ADGRB1: variants seen among roughly 807,000 people sequenced by gnomAD.
ADGRB1 encodes adhesion G protein-coupled receptor B1.
Under a neutral mutation model 175.7 loss-of-function variants are expected in ADGRB1, and 36 were observed. The observed-to-expected ratio is 0.20, with a 90% CI of 0.16 to 0.27. The LOEUF is 0.27. Ranked by LOEUF, ADGRB1 falls within the 10% of genes least tolerant of loss-of-function variation. ADGRB1 has a pLI of 1.00. For synonymous variants in ADGRB1, 1,054 were observed against 979.4 expected, an observed-to-expected ratio of 1.08 and a Z score of -1.42; for missense variants, 1,731 against 2,255.3, an observed-to-expected ratio of 0.77 and a Z score of 4.71.
At chr8:142,533,264 G>A (rs955181644) in intron 24 of ADGRB1, 31 bp from the exon 25 acceptor site, 5 of 1,473,366 alleles carry the variant, frequency 3.4e-6, no homozygotes, top group South Asian at 1.3e-5. Context: ...GCAGGGGCGG[G>A]GGCGGCAGCG....
Position 142,489,121 on chromosome 8 carries a change from C to T in ADGRB1, c.2528+11C>T. ...CCTGGCCCTGCAGAGGTGGGGAGCC[C>T]TGGGCAGGTGGGGTGGGCAGTGCAG... On this transcript the variant is annotated intron_variant, in intron 15 of 30. Transcript: ENST00000517894. 2 of 1,599,162 alleles carry T rather than the reference C, an allele frequency of 1.3e-6. No homozygotes were observed. Among genetic ancestry groups the T allele is most frequent in the Non-Finnish European group, 8.5e-7 (1 of 1,175,250 alleles).
Position 142,477,503 on chromosome 8 carries a change from G to A in ADGRB1, c.1341G>A (p.Glu447=), listed in dbSNP as rs1347069094. The change falls in exon 6 of 31, where the codon GAG becomes GAA. Residue 447 remains glutamate, a synonymous_variant. Coordinates refer to ENST00000517894, the MANE Select transcript of ADGRB1 (RefSeq NM_001702.3). ...RPPQFGGNPC[E]GPEKQTKFCN... is the part of the protein sequence containing the mutation. ...CCCAGTTTGGGGGCAACCCCTGTGA[G>A]GGCCCTGAGAAGCAAACCAAGTTCT... is the stretch of plus-strand genomic sequence containing the variant. 3 of 1,613,162 alleles carry A rather than the reference G, an allele frequency of 1.9e-6. No homozygotes were observed. Among genetic ancestry groups the A allele is most frequent in the Non-Finnish European group, 2.5e-6 (3 of 1,179,826 alleles).
chr8:142,474,459 A>G lies in ADGRB1; in HGVS notation c.785-1015A>G, dbSNP rs1057178849. Among the ~76,000 whole-genome samples, 63 of 152,102 alleles carry G rather than the reference A, an allele frequency of 4.1e-4. No individual in the cohort carries two copies. Among genetic ancestry groups the G allele is most frequent in the African/African-American group, 1.5e-3 (63 of 41,420 alleles). ...CTGCACAGGGTGTACATGAGCCCAG[A>G]GTGCTGGGCAGGAGGCCCGAGCGGG... On this transcript the variant is annotated intron_variant, in intron 2 of 30. Transcript: ENST00000517894. This position sits in a 1 kb window ranked among gnomAD's most constrained non-coding sequence, Gnocchi z 5.8.
At chr8:142,530,858 G>A (rs1045533674) in intron 24 of ADGRB1, among the ~76,000 whole-genome samples, 11 of 152,300 alleles carry the variant, frequency 7.2e-5, no homozygotes, top group Admixed American at 6.5e-4. Context: ...CGGTGCAGCT[G>A]GGCACTCCTG....
At position 142,493,952 on chromosome 8, in the gene ADGRB1, G is replaced by A. The variant is rs923824313; in HGVS notation, c.2675+3137G>A. 5.4e-4 allele frequency among the ~76,000 whole-genome samples: 83 copies of A among 152,302 alleles called. No homozygotes were observed. Among genetic ancestry groups the A allele is most frequent in the African/African-American group, 1.9e-3 (79 of 41,560 alleles). The stretch of plus-strand genomic sequence containing the variant: ...GACCTGAAGTGGAGACCACGGGCAG[G>A]GGCCCAGGTCTGTTTCCACCAGGGC... On this transcript the variant is annotated intron_variant, in intron 17 of 30. Transcript: ENST00000517894. This position sits in a 1 kb window ranked among gnomAD's most constrained non-coding sequence, Gnocchi z 5.0.
intron 30 of ADGRB1, 102 bp from the exon 31 acceptor site, chr8:142,544,118 T>G: frequency 7.9e-7 from 1 of 1,268,960 alleles, no homozygotes; most frequent in South Asian, 1.5e-5. Context: ...CCACCTCCCG[T>G]CCCTTCCTCA....
chr8:142,455,029 CCT>C lies in ADGRB1; in HGVS notation c.-220+4926_-220+4927del, dbSNP rs917672490. Among the ~76,000 whole-genome samples the C allele has an allele frequency of 5.3e-5, 8 of 152,052 alleles. No individual in the cohort carries two copies. Among genetic ancestry groups the C allele is most frequent in the East Asian group, 1.9e-4 (1 of 5,162 alleles). ...ATGCACACACCCACCCCTTCTGTCC[CCT>C]GTCCTGCTCATCGCCAGCCGCAGCA... On this transcript the variant is annotated intron_variant, in intron 1 of 30. Coordinates refer to ENST00000517894, the MANE Select transcript of ADGRB1 (RefSeq NM_001702.3). This position sits in a 1 kb window ranked among gnomAD's most constrained non-coding sequence, Gnocchi z 4.9.
At chr8:142,496,304 A>G (rs1842214347) in intron 17 of ADGRB1, among the ~76,000 whole-genome samples, 1 of 150,136 alleles carries the variant, frequency 6.7e-6, no homozygotes, top group African/African-American at 2.5e-5. Flanking sequence ...GGATGTGCAG[A>G]TGGAGGTATG....
chr8:142,452,093 C>A (rs995538882), intron 1 of ADGRB1, among the ~76,000 whole-genome samples: 1 of 152,206 alleles, frequency 6.6e-6, no homozygotes, highest in African/African-American at 2.4e-5. Context: ...TCCCCGGAGG[C>A]GGACGTTGCG....
intron 9 of ADGRB1, among the ~76,000 whole-genome samples, chr8:142,480,274 C>T (rs1433707552): frequency 1.3e-5 from 2 of 152,274 alleles, no homozygotes; most frequent in East Asian, 3.9e-4. Context: ...AGGCAGCAGG[C>T]AGAGAGGATG....
intron 2 of ADGRB1, among the ~76,000 whole-genome samples, chr8:142,469,548 CGTGCATGTGTGTGAATGTGTGTGCATGT>C (rs1206200336): frequency 2.4e-5 from 3 of 125,972 alleles, no homozygotes; most frequent in Non-Finnish European, 3.4e-5. Context: ...AGTGTATGCA[CGTGCATGTGTGTGAATGTGTGTGCATGT>C]GTGCATGTGT....
intron 1 of ADGRB1, among the ~76,000 whole-genome samples, chr8:142,450,428 C>T (rs1158794026): frequency 6.6e-6 from 1 of 152,164 alleles, no homozygotes; most frequent in African/African-American, 2.4e-5. Context: ...CACAGCCTGG[C>T]ACCCCTCTTC....
chr8:142,520,838 G>A lies in ADGRB1; in HGVS notation c.2937G>A (p.Glu979=), dbSNP rs1355676734. The change falls in exon 20 of 31, where the codon GAG becomes GAA. Residue 979 remains glutamate, a synonymous_variant. Transcript: ENST00000517894. ...YVSVWRYIRS[E]RSVILINFCL... ...CTCTCCACAGGTACATTCGCTCAGA[G>A]CGTTCTGTCATCCTCATCAACTTCT... 4.3e-6 allele frequency: 7 copies of A among 1,613,514 alleles called. No individual in the cohort carries two copies. Among genetic ancestry groups the A allele is most frequent in the Non-Finnish European group, 5.9e-6 (7 of 1,179,696 alleles).
Position 142,510,250 on chromosome 8 carries a change from G to A in ADGRB1, c.2676-682G>A, listed in dbSNP as rs1016002125. Among the ~76,000 whole-genome samples the A allele has an allele frequency of 1.3e-5, 2 of 152,110 alleles. No homozygotes were observed. The highest frequency in any genetic ancestry group is 2.9e-5 in the Non-Finnish European group (2 of 67,992). ...GGGGCAGTCGCGGCCCGTAGACAGC[G>A]GGCGGCTGGGTCAGACCGCAGAGGG... On this transcript the variant is annotated intron_variant, in intron 17 of 30. Transcript: ENST00000517894. This position sits in a 1 kb window ranked among gnomAD's most constrained non-coding sequence, Gnocchi z 6.3.
chr8:142,483,110 C>A (rs1275100871), intron 11 of ADGRB1, among the ~76,000 whole-genome samples: 6 of 133,614 alleles, frequency 4.5e-5, no homozygotes, highest in Admixed American at 3.1e-4. Context: ...CCTTGGTCAC[C>A]TGCTGAACCC....
At chr8:142,477,864 A>G (rs1294639469) in intron 6 of ADGRB1, among the ~76,000 whole-genome samples, 2 of 151,442 alleles carry the variant, frequency 1.3e-5, no homozygotes, top group East Asian at 3.9e-4. Flanking sequence ...CCCATGTCCC[A>G]GGCTGGGTGT....
At chr8:142,539,276 A>G in intron 26 of ADGRB1, 98 bp from the exon 27 acceptor site, 4 of 1,272,600 alleles carry the variant, frequency 3.1e-6, no homozygotes, top group Non-Finnish European at 4.4e-6. Flanking sequence ...TCCTCGGGGC[A>G]GCAGGAGCAC....
At chr8:142,472,892 G>C (rs1255507983) in intron 2 of ADGRB1, among the ~76,000 whole-genome samples, 1 of 152,150 alleles carries the variant, frequency 6.6e-6, no homozygotes, top group Non-Finnish European at 1.5e-5. Context: ...TCAGGGCTCA[G>C]CACGGGTCCA....
At chr8:142,516,713 G>A (rs1843470138) in intron 18 of ADGRB1, among the ~76,000 whole-genome samples, 3 of 151,432 alleles carry the variant, frequency 2.0e-5, no homozygotes. Context: ...GCATGTGTGC[G>A]GGCCCCAGGT....
Sources: allele counts gnomAD v4.1 joint callset (sites outside exome capture counted in the v4.1 genomes callset), GRCh38; gene constraint gnomAD v4.1.1; non-coding constraint Gnocchi (gnomAD v3.1); transcripts MANE v1.5; gene names NCBI Gene and HGNC (gene_info 2026-07-23, HGNC 2026-07-21).